Variants in KAZN observed in about 807,000 individuals in gnomAD.
KAZN encodes kazrin.
Under a neutral mutation model 87.4 loss-of-function variants are expected in KAZN, and 40 were observed. The ratio of observed to expected loss-of-function variants is 0.46; its 90% CI spans 0.36 to 0.60. The LOEUF (loss-of-function observed/expected upper bound fraction) is 0.60, where lower values mean the gene tolerates loss of function less well. Among genes scored for constraint, KAZN ranks in the 20% least tolerant of loss-of-function variants. KAZN has a pLI of 0.00. For synonymous variants in KAZN, 466 were observed against 458.3 expected, an observed-to-expected ratio of 1.02 and a Z score of -0.22; for missense variants, 898 against 1,073.9, an observed-to-expected ratio of 0.84 and a Z score of 2.29.
chr1:14,696,083 C>T (rs1328650310), intron 1 of KAZN, among the ~76,000 whole-genome samples: 1 of 152,120 alleles, frequency 6.6e-6, no homozygotes, highest in Non-Finnish European at 1.5e-5. Flanking sequence ...TGTGCTTGCT[C>T]CTGCCATGTG....
At chr1:14,649,303 G>C (rs1238089996) in intron 1 of KAZN, among the ~76,000 whole-genome samples, 1 of 151,966 alleles carries the variant, frequency 6.6e-6, no homozygotes, top group Admixed American at 6.6e-5. Flanking sequence ...TATATTTTAG[G>C]GTTGAGGGAG....
chr1:15,067,509 C>T, intron 8 of KAZN: 14 of 985,452 alleles, frequency 1.4e-5, no homozygotes, highest in Non-Finnish European at 1.4e-5. Context: ...TGCTTCTGCT[C>T]GTCCTTAACA....
At chr1:14,605,719 A>G (rs1011737553) in intron 1 of KAZN, among the ~76,000 whole-genome samples, 9 of 152,168 alleles carry the variant, frequency 5.9e-5, no homozygotes, top group South Asian at 2.1e-4. Context: ...TCGCTGTCTC[A>G]GGGGTGCCAG....
chr1:14,502,835 T>C (rs1343584289), intron 2 of KAZN, among the ~76,000 whole-genome samples: 1 of 152,116 alleles, frequency 6.6e-6, no homozygotes. Context: ...CATTCCATCC[T>C]CCCACTAACT....
chr1:13,958,275 A>G (rs2101016377), intron 1 of KAZN, among the ~76,000 whole-genome samples: 1 of 152,308 alleles, frequency 6.6e-6, no homozygotes, highest in Admixed American at 6.5e-5. Context: ...CCACTTCACT[A>G]AAAATTAAAA....
At chr1:14,751,687 C>T (rs534009366) in intron 1 of KAZN, among the ~76,000 whole-genome samples, 1 of 152,134 alleles carries the variant, frequency 6.6e-6, no homozygotes, top group Non-Finnish European at 1.5e-5. Flanking sequence ...AACCCTGAGT[C>T]CAGGGGTTGC....
intron 1 of KAZN, among the ~76,000 whole-genome samples, chr1:14,919,410 C>A (rs1297637387): frequency 6.6e-6 from 1 of 152,238 alleles, no homozygotes; most frequent in Admixed American, 6.5e-5. Context: ...CGCCTGACCT[C>A]AGGCGATCCA....
In KAZN at chr1:14,874,407, G is replaced by C. The variant is rs533898731; in HGVS notation, c.227-86277G>C. Among the ~76,000 whole-genome samples the C allele has an allele frequency of 3.3e-5, 5 of 152,306 alleles. No individual in the cohort carries two copies. In the South Asian group the frequency reaches 1.0e-3, roughly 32 times the overall value. On this transcript the variant is annotated intron_variant, in intron 1 of 14. Transcript: ENST00000376030. ...AAAGGTGACCACTGGATTTAATAAT[G>C]TCATTGGTGACCTTGAGTTGTTTCA...
chr1:14,814,126 T>C (rs949594782), intron 1 of KAZN, among the ~76,000 whole-genome samples: 21 of 152,274 alleles, frequency 1.4e-4, no homozygotes, highest in African/African-American at 3.4e-4. Flanking sequence ...TCTACCTTGA[T>C]GTCCACTAAG....
chr1:14,528,516 G>A (rs998962452), intron 2 of KAZN, among the ~76,000 whole-genome samples: 3 of 151,792 alleles, frequency 2.0e-5, no homozygotes, highest in African/African-American at 7.3e-5. Flanking sequence ...CAGTACAGTG[G>A]CTCACGCCTG....
intron 1 of KAZN, among the ~76,000 whole-genome samples, chr1:14,825,880 C>G (rs931056569): frequency 6.6e-6 from 1 of 152,196 alleles, no homozygotes; most frequent in Non-Finnish European, 1.5e-5. Flanking sequence ...AATTCTGTCT[C>G]TCTGGTCCAC....
At chr1:15,065,027 CTTTTTTTTTT>C (rs780410306) in intron 7 of KAZN, among the ~76,000 whole-genome samples, 2 of 102,740 alleles carry the variant, frequency 1.9e-5, no homozygotes, top group African/African-American at 7.6e-5. Flanking sequence ...CTTTTTCTTT[CTTTTTTTTTT>C]TTTTTTTTTT....
intron 1 of KAZN, among the ~76,000 whole-genome samples, chr1:13,961,752 T>A (rs1417125262): frequency 1.3e-5 from 2 of 152,188 alleles, no homozygotes; most frequent in African/African-American, 4.8e-5. Flanking sequence ...TTCTCTGGGA[T>A]GGACTGAAAG....
chr1:14,457,534 CTATTT>C (rs1474042386), intron 2 of KAZN, among the ~76,000 whole-genome samples: 5 of 152,046 alleles, frequency 3.3e-5, no homozygotes, highest in African/African-American at 7.2e-5. Context: ...GTGGCCCTTT[CTATTT>C]TATTTTATTG....
chr1:14,574,005 A>G (rs1675029020), intron 2 of KAZN, among the ~76,000 whole-genome samples: 1 of 152,186 alleles, frequency 6.6e-6, no homozygotes, highest in Middle Eastern at 3.2e-3. Context: ...CCCTGAAAAT[A>G]TAGGCTCTTA....
chr1:14,203,543 A>G (rs920217958), intron 2 of KAZN, among the ~76,000 whole-genome samples: 98 of 152,224 alleles, frequency 6.4e-4, no homozygotes, highest in African/African-American at 2.3e-3. Context: ...TGGTATTTCA[A>G]TTAGAGGAAA....
chr1:14,793,633 G>A (rs1342909421), intron 1 of KAZN, among the ~76,000 whole-genome samples: 1 of 152,200 alleles, frequency 6.6e-6, no homozygotes, highest in Admixed American at 6.5e-5. Flanking sequence ...CACAGTATGT[G>A]CTCCATAAAT....
intron 2 of KAZN, among the ~76,000 whole-genome samples, chr1:14,403,959 T>A (rs1663627428): frequency 1.3e-5 from 2 of 152,078 alleles, no homozygotes; most frequent in South Asian, 2.1e-4. Context: ...GAAAATGGGT[T>A]GCCGCTTCTG....
chr1:14,728,525 AGATGCTGACTCAG>A (rs1202139398), intron 1 of KAZN, among the ~76,000 whole-genome samples: 3 of 152,156 alleles, frequency 2.0e-5, no homozygotes, highest in Non-Finnish European at 4.4e-5. Flanking sequence ...GTAGCCCCAG[AGATGCTGACTCAG>A]GTCACCTAGG....
Sources: allele counts gnomAD v4.1 joint callset (sites outside exome capture counted in the v4.1 genomes callset), GRCh38; gene constraint gnomAD v4.1.1; transcripts MANE v1.5; gene names NCBI Gene and HGNC (gene_info 2026-07-23, HGNC 2026-07-21).